MED13L: variants seen among roughly 807,000 people sequenced by gnomAD.
MED13L encodes the protein mediator complex subunit 13L, also known as mediator of RNA polymerase II transcription subunit 13-like.
In MED13L, 7 loss-of-function variants were observed where a neutral mutation model predicts 220.9. The observed-to-expected ratio is 0.03, with a 90% CI of 0.02 to 0.06. The LOEUF (loss-of-function observed/expected upper bound fraction) is 0.06. Among genes scored for constraint, MED13L ranks in the 10% least tolerant of loss-of-function variants. MED13L has a pLI of 1.00. For missense variants in MED13L, 1,965 were observed against 2,760.5 expected (o/e 0.71, Z 6.46); for synonymous variants, 1,011 against 1,015.2 (o/e 1.00, Z 0.08).
Position 115,961,178 on chromosome 12 carries a change from T to A in MED13L, c.*88A>T. ...GTGGAGAGTGGTCTGAAGAAAAGGATGTGGGTTATTTGCAGAGTGTAGCAG... is the reference window on the plus strand; with the variant it reads ...GTGGAGAGTGGTCTGAAGAAAAGGAAGTGGGTTATTTGCAGAGTGTAGCAG... On this transcript the variant is annotated 3_prime_UTR_variant, in exon 31 of 31. Transcript: ENST00000281928. The A allele has an allele frequency of 6.5e-7, 1 of 1,526,732 alleles. No individual in the cohort carries two copies. Among genetic ancestry groups the A allele is most frequent in the South Asian group, 1.1e-5 (1 of 88,492 alleles). The allele number at this position is 1,526,732 out of a possible 1,614,324, so 94.6% of individuals were successfully genotyped here.
chr12:116,102,523 T>C (rs934046113), intron 3 of MED13L, among the ~76,000 whole-genome samples: 49 of 152,080 alleles, frequency 3.2e-4, no homozygotes, highest in South Asian at 1.7e-3. Context: ...TAATAGAGTA[T>C]CTCCACCAGC....
At chr12:116,098,738 G>A (rs1320673219) in intron 3 of MED13L, among the ~76,000 whole-genome samples, 1 of 152,050 alleles carries the variant, frequency 6.6e-6, no homozygotes, top group African/African-American at 2.4e-5. Context: ...ATCATTTTCA[G>A]CGTAACCAAA....
chr12:116,176,706 G>A (rs1033835747), intron 2 of MED13L, among the ~76,000 whole-genome samples: 1 of 151,864 alleles, frequency 6.6e-6, no homozygotes, highest in African/African-American at 2.4e-5. Context: ...TTCAGCTGAA[G>A]GACCAAAATG....
At chr12:116,213,105 C>T (rs1322086105) in intron 2 of MED13L, among the ~76,000 whole-genome samples, 2 of 152,034 alleles carry the variant, frequency 1.3e-5, no homozygotes, top group Non-Finnish European at 2.9e-5. Context: ...CCAATTTGCA[C>T]GGCTTGATGA....
chr12:115,984,921 A>G (rs1339903544), intron 19 of MED13L, among the ~76,000 whole-genome samples: 4 of 151,832 alleles, frequency 2.6e-5, no homozygotes, highest in Non-Finnish European at 5.9e-5. Flanking sequence ...AATCTCCATG[A>G]CGCTAAATGG....
intron 2 of MED13L, among the ~76,000 whole-genome samples, chr12:116,152,259 A>G (rs1878096923): frequency 6.6e-6 from 1 of 152,202 alleles, no homozygotes; most frequent in Non-Finnish European, 1.5e-5. Flanking sequence ...GTCTGAAATT[A>G]TTTTCAGCAT....
At chr12:116,045,071 G>A (rs552045853) in intron 4 of MED13L, among the ~76,000 whole-genome samples, 100 of 152,210 alleles carry the variant, frequency 6.6e-4, no homozygotes, top group African/African-American at 2.2e-3. Flanking sequence ...AGGAAAAGAG[G>A]GGGCCCCTCC....
chr12:116,162,646 T>C (rs1878974687), intron 2 of MED13L, among the ~76,000 whole-genome samples: 1 of 152,228 alleles, frequency 6.6e-6, no homozygotes, highest in African/African-American at 2.4e-5. Context: ...AAGAATTAAG[T>C]ACTAGACAGT....
At chr12:116,178,775 TTGC>T (rs1353668590) in intron 2 of MED13L, among the ~76,000 whole-genome samples, 1 of 152,244 alleles carries the variant, frequency 6.6e-6, no homozygotes, top group Non-Finnish European at 1.5e-5. Flanking sequence ...CAAAATATTT[TTGC>T]TGAATTGAAC....
intron 4 of MED13L, among the ~76,000 whole-genome samples, chr12:116,080,252 A>C (rs2137731175): frequency 6.6e-6 from 1 of 152,328 alleles, no homozygotes; most frequent in Admixed American, 6.5e-5. Flanking sequence ...GGATAAACAG[A>C]GTAGAGAATA....
chr12:116,188,206 TTAAC>T, intron 2 of MED13L, among the ~76,000 whole-genome samples: 1 of 152,270 alleles, frequency 6.6e-6, no homozygotes, highest in South Asian at 2.1e-4. Flanking sequence ...AAGGAATAAG[TTAAC>T]TATATTATGG....
chr12:116,207,370 G>A (rs1236189706), intron 2 of MED13L, among the ~76,000 whole-genome samples: 1 of 152,098 alleles, frequency 6.6e-6, no homozygotes, highest in Non-Finnish European at 1.5e-5. Context: ...ACAGAATTCA[G>A]TGCAATAACA....
rs1008526441 is a variant in MED13L, at chr12:116,276,306, TTTTG to T, written c.72+750_72+753del. On this transcript the variant is annotated intron_variant, in intron 1 of 30. Coordinates refer to ENST00000281928, the MANE Select transcript of MED13L (RefSeq NM_015335.5). ...GTTATCAAACCGACCAGCTTGTTGC[TTTTG>T]TGTGTGTGTGTGTGTGTGTGTGTGT... 14 of 304,284 alleles carry T rather than the reference TTTTG, an allele frequency of 4.6e-5. 1 individual carries two copies. Among genetic ancestry groups the T allele is most frequent in the East Asian group, 4.4e-4 (3 of 6,782 alleles). 18.8% of individuals were successfully genotyped at this position (304,284 alleles called of 1,614,324 possible).
chr12:115,978,203 G>A (rs1484508059), intron 23 of MED13L, among the ~76,000 whole-genome samples: 1 of 152,110 alleles, frequency 6.6e-6, no homozygotes, highest in Non-Finnish European at 1.5e-5. Context: ...GGAATGAGTA[G>A]TGTGTGCTAA....
intron 2 of MED13L, among the ~76,000 whole-genome samples, chr12:116,216,498 A>G (rs1393075970): frequency 6.6e-6 from 1 of 152,174 alleles, no homozygotes; most frequent in Non-Finnish European, 1.5e-5. Flanking sequence ...TTCAAGAATC[A>G]ATGCTTGCCT....
chr12:115,969,220 G>C (rs1181398596), intron 27 of MED13L, 123 bp from the exon 28 acceptor site: 1 of 1,080,484 alleles, frequency 9.3e-7, no homozygotes, highest in Non-Finnish European at 1.4e-6. Context: ...GACACACACT[G>C]TTAATAACTT....
intron 1 of MED13L, among the ~76,000 whole-genome samples, chr12:116,265,309 A>T (rs1002860284): frequency 6.6e-6 from 1 of 152,266 alleles, no homozygotes; most frequent in Non-Finnish European, 1.5e-5. Flanking sequence ...CATAAGAAGT[A>T]ATCTTAAACC....
chr12:116,159,592 T>C (rs1878706365), intron 2 of MED13L, among the ~76,000 whole-genome samples: 1 of 152,172 alleles, frequency 6.6e-6, no homozygotes, highest in South Asian at 2.1e-4. Context: ...TTTAATTGAA[T>C]TTTAGAGATT....
At position 115,999,587 on chromosome 12, in the gene MED13L, G is replaced by C. The variant is rs138522192; in HGVS notation, c.2570-2357C>G. ...ATCTTAATAGCCAGTGTAGCTCTTT[G>C]TGAAGTACAGAAATTGTATAAATTC... On this transcript the variant is annotated intron_variant, in intron 14 of 30. Coordinates refer to ENST00000281928, the MANE Select transcript of MED13L (RefSeq NM_015335.5). Among the ~76,000 whole-genome samples the C allele has an allele frequency of 7.2e-5, 11 of 151,918 alleles. No individual in the cohort carries two copies. In the East Asian group the frequency reaches 1.7e-3, roughly 24 times the overall value.
Sources: allele counts gnomAD v4.1 joint callset (sites outside exome capture counted in the v4.1 genomes callset), GRCh38; gene constraint gnomAD v4.1.1; transcripts MANE v1.5; gene names NCBI Gene and HGNC (gene_info 2026-07-23, HGNC 2026-07-21).